ZNF221: variants seen among roughly 807,000 people sequenced by gnomAD.
The protein encoded by ZNF221 is zinc finger protein 221.
In ZNF221, 10 loss-of-function variants were observed where a neutral mutation model predicts 12.6. That is an observed-to-expected ratio of 0.79 (90% CI 0.49 to 1.34). ZNF221 has a LOEUF of 1.34. ZNF221 is among the 40% of genes most tolerant of loss of function. ZNF221 has a pLI of 0.00. For synonymous variants in ZNF221, 232 were observed against 244.0 expected (o/e 0.95, Z 0.46); for missense variants, 661 against 721.4 (o/e 0.92, Z 0.96).
chr19:43,974,809 A>G, the ZNF221 span, among the ~76,000 whole-genome samples: 1 of 152,186 alleles, frequency 6.6e-6, no homozygotes, highest in Non-Finnish European at 1.5e-5. Flanking sequence ...ACTTGAGGTC[A>G]GGAGTTGGAG....
At chr19:43,973,931 C>G in the ZNF221 span, among the ~76,000 whole-genome samples, 1 of 152,084 alleles carries the variant, frequency 6.6e-6, no homozygotes, top group South Asian at 2.1e-4. Context: ...AAAGAATAGC[C>G]CAAATAGCCA....
At chr19:43,956,701 T>C (rs2147333660) in intron 1 of ZNF221, among the ~76,000 whole-genome samples, 1 of 152,324 alleles carries the variant, frequency 6.6e-6, no homozygotes, top group East Asian at 1.9e-4. Context: ...AACAAACTTA[T>C]TTGAAACCCT....
rs1418633643 is a variant in ZNF221, at chr19:43,966,215, G to C, written c.713G>C (p.Ser238Thr). 1 of 1,614,208 alleles carries C rather than the reference G, an allele frequency of 6.2e-7. No individual in the cohort carries two copies. Among genetic ancestry groups the C allele is most frequent in the East Asian group, 2.2e-5 (1 of 44,886 alleles). Residue 238 changes from serine (S) to threonine (T), a missense_variant, in exon 5 of 5, where the codon AGC becomes ACC. Physicochemically the swap from Ser to Thr is moderately conservative, Grantham distance 58 (BLOSUM62 1). Coordinates refer to ENST00000587682, the MANE Select transcript of ZNF221 (RefSeq NM_001297588.2). ...CDVCGKEFNQ[S>T]SHLQTHQRVH... ...GTGTGTGGTAAGGAATTTAATCAGA[G>C]CTCACATCTGCAAACTCATCAGAGA...
downstream of ZNF221, among the ~76,000 whole-genome samples, chr19:43,968,359 T>G (rs749735812): frequency 1.3e-5 from 2 of 152,222 alleles, no homozygotes; most frequent in Non-Finnish European, 2.9e-5. Flanking sequence ...ATGATGGACA[T>G]GTCAAAATTG....
Position 43,966,574 on chromosome 19 carries a change from A to C in ZNF221, c.1072A>C (p.Met358Leu). 3 of 1,614,210 alleles carry C rather than the reference A, an allele frequency of 1.9e-6. No homozygotes were observed. Among genetic ancestry groups the C allele is most frequent in the Non-Finnish European group, 2.5e-6 (3 of 1,180,038 alleles). ...RQRSALNSHS[M>L]VHIEEKPYKC... is the part of the protein sequence containing the mutation. ...GAGATCAGCACTTAATAGTCATTCCATGGTCCACATAGAAGAGAAGCCATA... is the reference window on the plus strand; with the variant it reads ...GAGATCAGCACTTAATAGTCATTCCCTGGTCCACATAGAAGAGAAGCCATA... Residue 358 changes from methionine to leucine, a missense_variant, in exon 5 of 5, where the codon ATG (methionine) becomes CTG (leucine). Physicochemically the swap from Met to Leu is conservative, Grantham distance 15 (BLOSUM62 2). Transcript: ENST00000587682.
At chr19:43,975,993 T>G in the ZNF221 span, among the ~76,000 whole-genome samples, 1 of 152,124 alleles carries the variant, frequency 6.6e-6, no homozygotes. Flanking sequence ...AACAGACCAC[T>G]GCATATTGTA....
chr19:43,974,400 C>G, the ZNF221 span, among the ~76,000 whole-genome samples: 4 of 152,100 alleles, frequency 2.6e-5, no homozygotes, highest in Non-Finnish European at 5.9e-5. Flanking sequence ...CAAATGGGAT[C>G]TAATTAAACT....
chr19:43,970,084 T>G (rs1975064648), downstream of ZNF221, among the ~76,000 whole-genome samples: 1 of 152,192 alleles, frequency 6.6e-6, no homozygotes, highest in Admixed American at 6.5e-5. Context: ...TTTGCTGTTT[T>G]GCAGCTTTCA....
chr19:43,974,348 G>A, the ZNF221 span, among the ~76,000 whole-genome samples: 221 of 152,238 alleles, frequency 1.5e-3, no homozygotes, highest in African/African-American at 5.1e-3. Flanking sequence ...AAGATTTCAC[G>A]ATGAAAACAC....
At chr19:43,980,421 T>C in the ZNF221 span, among the ~76,000 whole-genome samples, 2 of 152,182 alleles carry the variant, frequency 1.3e-5, no homozygotes, top group Non-Finnish European at 2.9e-5. Flanking sequence ...GCAGAGTGCT[T>C]CACAAGGCCC....
rs1419818835 is a variant in ZNF221 at position 43,965,230 on chromosome 19, C to A, written c.209-3C>A. On this transcript the variant is annotated splice_polypyrimidine_tract_variant and splice_region_variant and intron_variant, in intron 3 of 4. Coordinates refer to ENST00000587682, the MANE Select transcript of ZNF221 (RefSeq NM_001297588.2). ...AATTAAGCATGTCACTGTGTGTTCA[C>A]AGGGAATCAACCATTCCACCAAGAT... is the stretch of plus-strand genomic sequence containing the variant. 2.5e-6 allele frequency: 4 copies of A among 1,607,860 alleles called. No homozygotes were observed. The highest frequency in any genetic ancestry group is 3.4e-6 in the Non-Finnish European group (4 of 1,177,444).
chr19:43,956,124 A>G (rs905381871), intron 1 of ZNF221, among the ~76,000 whole-genome samples: 7 of 152,216 alleles, frequency 4.6e-5, no homozygotes, highest in Non-Finnish European at 7.3e-5. Context: ...GAAGGCACTC[A>G]CAGGCTTCTG....
Position 43,967,476 on chromosome 19 carries a change from A to G in ZNF221, c.*120A>G, listed in dbSNP as rs1371848777. 3 of 732,366 alleles carry G rather than the reference A, an allele frequency of 4.1e-6. No homozygotes were observed. Among genetic ancestry groups the G allele is most frequent in the Non-Finnish European group, 4.3e-6 (2 of 467,574 alleles). 45.4% of individuals were successfully genotyped at this position (732,366 alleles called of 1,614,324 possible). On this transcript the variant is annotated 3_prime_UTR_variant, in exon 5 of 5. Coordinates refer to ENST00000587682, the MANE Select transcript of ZNF221 (RefSeq NM_001297588.2). The stretch of plus-strand genomic sequence containing the variant: ...GTGGGAAGAGCTTTGTACATAGATC[A>G]TATCTTTTTTTTTTTTTTTTGAGAC...
the ZNF221 span, chr19:43,976,706 T>C: frequency 6.6e-6 from 1 of 152,214 alleles, no homozygotes; most frequent in Non-Finnish European, 1.5e-5. Flanking sequence ...TCAGTATTTC[T>C]TCCCATCTCT....
intron 1 of ZNF221, among the ~76,000 whole-genome samples, chr19:43,954,825 T>G (rs1428729155): frequency 1.3e-5 from 2 of 152,100 alleles, no homozygotes; most frequent in Non-Finnish European, 2.9e-5. Context: ...GGTGTTCTCC[T>G]CCCTTGGCAA....
chr19:43,951,737 CTT>C (rs1974673491), intron 1 of ZNF221, among the ~76,000 whole-genome samples: 1 of 151,404 alleles, frequency 6.6e-6, no homozygotes, highest in South Asian at 2.1e-4. Context: ...ATGGCGATCT[CTT>C]GTTAATTTCC....
At chr19:43,965,669 A>C in intron 4 of ZNF221, 135 bp from the exon 5 acceptor site, 1 of 777,612 alleles carries the variant, frequency 1.3e-6, no homozygotes, top group Non-Finnish European at 2.0e-6. Context: ...ACCAAAGACC[A>C]TAGTGCACTC....
downstream of ZNF221, among the ~76,000 whole-genome samples, chr19:43,970,205 A>AAGAAG (rs1277283384): frequency 6.6e-6 from 1 of 151,564 alleles, no homozygotes; most frequent in Admixed American, 6.6e-5. Context: ...TGACTGTTAA[A>AAGAAG]AACAGGCAGA....
At chr19:43,954,788 G>GA (rs980041237) in intron 1 of ZNF221, among the ~76,000 whole-genome samples, 6 of 148,020 alleles carry the variant, frequency 4.1e-5, no homozygotes, top group South Asian at 2.1e-4. Context: ...GGGGAAGAAG[G>GA]AAAAAAAAAA....
Sources: allele counts gnomAD v4.1 joint callset (sites outside exome capture counted in the v4.1 genomes callset), GRCh38; gene constraint gnomAD v4.1.1; transcripts MANE v1.5; gene names NCBI Gene and HGNC (gene_info 2026-07-23, HGNC 2026-07-21).